The following MTA3 variants were observed in gnomAD, a reference collection of about 807,000 sequenced individuals.
The protein encoded by MTA3 is metastasis-associated protein MTA3.
In MTA3, 34 loss-of-function variants were observed where a neutral mutation model predicts 83.5. That is an observed-to-expected ratio of 0.41 (90% CI 0.31 to 0.54). MTA3 has a LOEUF of 0.54. Among genes scored for constraint, MTA3 ranks in the 20% least tolerant of loss-of-function variants. The pLI, the probability that MTA3 is intolerant of heterozygous loss-of-function variation, is 0.33. For missense variants in MTA3, 761 were observed against 726.4 expected (o/e 1.05, Z -0.55); for synonymous variants, 303 against 252.7 (o/e 1.20, Z -1.89).
chr2:42,670,323 TC>T (rs1690680755), intron 8 of MTA3, among the ~76,000 whole-genome samples: 1 of 152,188 alleles, frequency 6.6e-6, no homozygotes, highest in Non-Finnish European at 1.5e-5. Flanking sequence ...TGCAAAGACT[TC>T]CTGTATTCAC....
chr2:42,508,072 C>G (rs1439486542), intron 2 of MTA3, among the ~76,000 whole-genome samples: 6 of 152,142 alleles, frequency 3.9e-5, no homozygotes, highest in Non-Finnish European at 8.8e-5. Flanking sequence ...TGAGTTACAC[C>G]TGGGCCAGGC....
intron 2 of MTA3, among the ~76,000 whole-genome samples, chr2:42,507,170 G>C (rs146435075): frequency 1.3e-5 from 2 of 152,224 alleles, no homozygotes; most frequent in African/African-American, 2.4e-5. Context: ...AAAAGTGCTG[G>C]GATTGCAGGC....
chr2:42,609,626 AC>A, intron 4 of MTA3, 42 bp downstream of exon 4: 1 of 1,534,464 alleles, frequency 6.5e-7, no homozygotes, highest in Non-Finnish European at 8.8e-7. Flanking sequence ...TACTACGGTG[AC>A]CAAAAAACAA....
chr2:42,555,793 C>T lies in MTA3; in HGVS notation c.-140-14644C>T, dbSNP rs561328450. Among the ~76,000 whole-genome samples the T allele has an allele frequency of 7.8e-4, 117 of 150,314 alleles. 1 individual carries two copies. Among genetic ancestry groups the T allele is most frequent in the African/African-American group, 2.7e-3 (112 of 40,872 alleles). Reference sequence around the variant, plus strand: ...AAAAAGAAAGAAAGAAAGAAAAGGCCAGGCACGGTGGCTCACGCCTGTAAT... The same window carrying T: ...AAAAAGAAAGAAAGAAAGAAAAGGCTAGGCACGGTGGCTCACGCCTGTAAT... On this transcript the variant is annotated intron_variant, in intron 2 of 17. Coordinates refer to the MTA3 transcript ENST00000405592.
chr2:42,614,539 T>C (rs929863246), intron 4 of MTA3, among the ~76,000 whole-genome samples: 27 of 152,246 alleles, frequency 1.8e-4, no homozygotes, highest in Admixed American at 1.4e-3. Context: ...CTCACAATTA[T>C]GTAGCTATTT....
At chr2:42,501,063 G>A (rs145609420) in intron 2 of MTA3, among the ~76,000 whole-genome samples, 5 of 151,962 alleles carry the variant, frequency 3.3e-5, no homozygotes, top group Admixed American at 6.6e-5. Flanking sequence ...GCCCACCTCC[G>A]CCTCCCAAAG....
chr2:42,529,271 A>T (rs1397473063), intron 2 of MTA3, among the ~76,000 whole-genome samples: 1 of 152,136 alleles, frequency 6.6e-6, no homozygotes, highest in Non-Finnish European at 1.5e-5. Context: ...ACTCTCTTTT[A>T]CTATCCTATT....
intron 16 of MTA3, among the ~76,000 whole-genome samples, chr2:42,750,566 C>T (rs1669795038): frequency 6.6e-6 from 1 of 152,134 alleles, no homozygotes. Context: ...ATGCCAGTTT[C>T]TTTCGATATT....
At chr2:42,709,360 C>A in intron 14 of MTA3, 1 of 1,225,272 alleles carries the variant, frequency 8.2e-7, no homozygotes, top group South Asian at 1.8e-5. Flanking sequence ...GGAGGTGATC[C>A]TATTCCATGG....
chr2:42,688,806 A>AT (rs1166065452), intron 9 of MTA3, among the ~76,000 whole-genome samples: 4 of 151,646 alleles, frequency 2.6e-5, no homozygotes, highest in Non-Finnish European at 5.9e-5. Flanking sequence ...AATGCCTTTT[A>AT]TTTTTATTTA....
intron 2 of MTA3, among the ~76,000 whole-genome samples, chr2:42,529,648 G>A (rs2103716438): frequency 6.6e-6 from 1 of 152,332 alleles, no homozygotes; most frequent in South Asian, 2.1e-4. Context: ...CTTGGCATTT[G>A]GGTAGCAGCG....
At chr2:42,509,649 T>A (rs531968052) in intron 2 of MTA3, among the ~76,000 whole-genome samples, 1 of 152,136 alleles carries the variant, frequency 6.6e-6, no homozygotes, top group East Asian at 1.9e-4. Context: ...CATGAGCCTG[T>A]AATCCCGGCT....
Position 42,548,829 on chromosome 2 carries a change from A to AATATATATATATATATAAT in MTA3, c.-140-21596_-140-21578dup, listed in dbSNP as rs1676895506. Among the ~76,000 whole-genome samples the AATATATATATATATATAAT allele has an allele frequency of 4.7e-4, 4 of 8,586 alleles. 1 individual carries two copies. The highest frequency in any genetic ancestry group is 2.8e-4 in the Non-Finnish European group (1 of 3,596). The allele number at this position is 8,586 out of a possible 152,430, so 5.6% of individuals were successfully genotyped here. ...AAAAAAAATATATATATATATATAT[A>AATATATATATATATATAAT]ATATATATATATATATAATATATAT... On this transcript the variant is annotated intron_variant, in intron 2 of 17. Coordinates refer to the MTA3 transcript ENST00000405592.
chr2:42,730,782 T>C (rs962271524), intron 16 of MTA3, among the ~76,000 whole-genome samples: 1 of 152,198 alleles, frequency 6.6e-6, no homozygotes, highest in African/African-American at 2.4e-5. Flanking sequence ...GGATAGGTTT[T>C]AGTTCTTCTT....
At chr2:42,624,257 A>G (rs2104212934) in intron 4 of MTA3, among the ~76,000 whole-genome samples, 1 of 152,076 alleles carries the variant, frequency 6.6e-6, no homozygotes, top group South Asian at 2.1e-4. Flanking sequence ...TTTTAATATT[A>G]TTTTTGGATT....
intron 12 of MTA3, among the ~76,000 whole-genome samples, chr2:42,707,085 C>A (rs901124011): frequency 3.3e-5 from 5 of 151,608 alleles, no homozygotes; most frequent in African/African-American, 1.2e-4. Flanking sequence ...CTGCCTCAGT[C>A]TCTGTAGTCG....
intron 11 of MTA3, among the ~76,000 whole-genome samples, chr2:42,701,089 C>A (rs1214757281): frequency 2.6e-5 from 4 of 151,836 alleles, no homozygotes; most frequent in Non-Finnish European, 4.4e-5. Context: ...CAGAGTGAGA[C>A]CCTGTCTCTA....
chr2:42,554,671 T>C (rs974904649), intron 2 of MTA3, among the ~76,000 whole-genome samples: 4 of 152,288 alleles, frequency 2.6e-5, no homozygotes, highest in African/African-American at 9.6e-5. Context: ...AAATCTCCTT[T>C]TGAGATCTCC....
rs1177112544 is a variant in MTA3, at chr2:42,723,114, ATATAT to A, written c.1759+84_1759+88del. On this transcript the variant is annotated intron_variant, in intron 16 of 16. Coordinates refer to ENST00000405094, the MANE Select transcript of MTA3 (RefSeq NM_001330442.2). The stretch of plus-strand genomic sequence containing the variant: ...AGGCATGTGTCTGCCACATCCAAAA[ATATAT>A]TATAAGCATGTTCTTGTATTCCATG... The A allele has an allele frequency of 2.2e-5, 32 of 1,423,518 alleles. 1 individual carries two copies. Among genetic ancestry groups the A allele is most frequent in the Non-Finnish European group, 2.5e-5 (26 of 1,048,774 alleles). 88.2% of individuals were successfully genotyped at this position (1,423,518 alleles called of 1,614,324 possible).
Sources: allele counts gnomAD v4.1 joint callset (sites outside exome capture counted in the v4.1 genomes callset), GRCh38; gene constraint gnomAD v4.1.1; transcripts MANE v1.5; gene names NCBI Gene and HGNC (gene_info 2026-07-23, HGNC 2026-07-21).